SLC2A14: variants seen among roughly 807,000 people sequenced by gnomAD.
SLC2A14 encodes the protein solute carrier family 2, facilitated glucose transporter member 14.
In SLC2A14, 13 loss-of-function variants were observed where a neutral mutation model predicts 43.0. The ratio of observed to expected loss-of-function variants is 0.30; its 90% confidence interval spans 0.20 to 0.48. SLC2A14 has a LOEUF of 0.48. Among genes scored for constraint, SLC2A14 ranks in the 20% least tolerant of loss-of-function variants. The probability of loss-of-function intolerance (pLI) is 0.99; values close to 1 mark genes in which losing one functional copy is unlikely to be tolerated. For missense variants in SLC2A14, 428 were observed against 620.4 expected (o/e 0.69, Z 3.29); for synonymous variants, 190 against 233.8 (o/e 0.81, Z 1.71).
Position 7,814,471 on chromosome 12 carries a change from T to A in SLC2A14, c.1339A>T (p.Thr447Ser). Reference protein sequence around the residue: ...TGFLITFLAFTFFKVPETRGR... With the variant: ...TGFLITFLAFSFFKVPETRGR... ...CGGGTCTCAGGGACTTTGAAGAAGGTAAAGGCCAAGAAGGTAATGAGGAAG... is the reference window on the plus strand; with the variant it reads ...CGGGTCTCAGGGACTTTGAAGAAGGAAAAGGCCAAGAAGGTAATGAGGAAG... The change falls in exon 11 of 11, where the codon ACC (threonine) becomes TCC (serine). Residue 447 changes from threonine (T) to serine (S), a missense_variant. Around this residue, in one of 4 missense-constraint regions of SLC2A14, gnomAD observed 119 missense variants for 188.7 expected, o/e 0.63. Transcript: ENST00000431042. 6.2e-7 allele frequency: 1 copy of A among 1,613,322 alleles called. No homozygotes were observed. The highest frequency in any genetic ancestry group is 8.5e-7 in the Non-Finnish European group (1 of 1,179,722).
At chr12:7,878,976 C>CAAAAAA (rs58838986) in intron 1 of SLC2A14, among the ~76,000 whole-genome samples, 29 of 69,318 alleles carry the variant, frequency 4.2e-4, no homozygotes, top group Admixed American at 8.7e-4. Context: ...GAGTCCGTCT[C>CAAAAAA]AAAAAAAAAA....
intron 2 of SLC2A14, among the ~76,000 whole-genome samples, chr12:7,841,081 G>C (rs923487092): frequency 6.6e-6 from 1 of 152,150 alleles, no homozygotes; most frequent in Non-Finnish European, 1.5e-5. Flanking sequence ...GAAGCGGATG[G>C]AGAGAGACAT....
At chr12:7,820,696 A>G (rs756835355) in intron 8 of SLC2A14, among the ~76,000 whole-genome samples, 1 of 146,702 alleles carries the variant, frequency 6.8e-6, no homozygotes, top group East Asian at 2.0e-4. Flanking sequence ...CATACTGTAT[A>G]GTCCCTTCTA....
At chr12:7,841,855 A>G (rs1242791364) in intron 2 of SLC2A14, among the ~76,000 whole-genome samples, 1 of 151,928 alleles carries the variant, frequency 6.6e-6, no homozygotes, top group South Asian at 2.1e-4. Flanking sequence ...AAAATATAAA[A>G]TTAGCCGGGC....
At chr12:7,816,702 C>A (rs777968414) in intron 10 of SLC2A14, among the ~76,000 whole-genome samples, 2 of 151,496 alleles carry the variant, frequency 1.3e-5, no homozygotes, top group Non-Finnish European at 2.9e-5. Context: ...TGTCTCTATT[C>A]GTAAATTGTT....
intron 2 of SLC2A14, among the ~76,000 whole-genome samples, chr12:7,858,558 G>A (rs1944377653): frequency 6.6e-6 from 1 of 152,084 alleles, no homozygotes; most frequent in Admixed American, 6.6e-5. Context: ...GGAGTGCAAT[G>A]GCATGACCTC....
chr12:7,874,988 TA>T (rs1945424366), upstream of SLC2A14, among the ~76,000 whole-genome samples: 10 of 29,276 alleles, frequency 3.4e-4, no homozygotes, highest in Admixed American at 1.6e-3. Flanking sequence ...TATTTATATA[TA>T]AATTATATAT....
Position 7,869,901 on chromosome 12 carries a change from T to A in SLC2A14, c.-21A>T. ...TCCATCTCTCTGCTATCCTAGGAAT[T>A]GACTCCCTCTCCAATTTCTCTTCAA... is the stretch of plus-strand genomic sequence containing the variant. On this transcript the variant is annotated 5_prime_UTR_variant, in exon 2 of 11. Transcript: ENST00000431042. The A allele has an allele frequency of 1.3e-6, 2 of 1,529,704 alleles. No homozygotes were observed. The highest frequency in any genetic ancestry group is 2.4e-5 in the South Asian group (2 of 83,676). The allele number at this position is 1,529,704 out of a possible 1,614,324, so 94.8% of individuals were successfully genotyped here.
Position 7,882,445 on chromosome 12 carries a change from G to C in SLC2A14, c.132+8551C>G, listed in dbSNP as rs183614008. Among the ~76,000 whole-genome samples the C allele has an allele frequency of 3.9e-5, 6 of 152,226 alleles. No individual in the cohort carries two copies. The East Asian group carries it at 9.6e-4, about 24-fold the overall frequency. ...CCATGGCTTCATTCTTGAAGTCAGT[G>C]AGACCAAGAATCCCCCAATTCCTGA... On this transcript the variant is annotated intron_variant, in intron 1 of 9. Transcript: ENST00000539924.
Position 7,814,382 on chromosome 12 carries a change from A to T in SLC2A14, c.1428T>A (p.Ser476=), listed in dbSNP as rs147219846. 22 of 1,612,750 alleles carry T rather than the reference A, an allele frequency of 1.4e-5. No individual in the cohort carries two copies. In the African/African-American group the frequency reaches 2.4e-4, roughly 18 times the overall value. Residue 476 remains serine, a synonymous_variant, in exon 11 of 11, where the codon TCT becomes TCA. Coordinates refer to ENST00000431042, the MANE Select transcript of SLC2A14 (RefSeq NM_001286234.2). The part of the protein sequence containing the change: ...FEGQAHGADR[S]GKDGVMGMNS... ...TCATCCCCATGACGCCGTCCTTCCC[A>T]GATCTATCTGCACCGTGTGCCTGCC... is the stretch of plus-strand genomic sequence containing the variant.
chr12:7,860,430 G>A (rs1411143853), intron 2 of SLC2A14: 3 of 152,094 alleles, frequency 2.0e-5, no homozygotes, highest in African/African-American at 4.8e-5. Flanking sequence ...GGATAGCCAC[G>A]CTGCCCTAGG....
At chr12:7,830,667 A>C (rs1422438210) in intron 4 of SLC2A14, among the ~76,000 whole-genome samples, 1 of 151,990 alleles carries the variant, frequency 6.6e-6, no homozygotes, top group Admixed American at 6.6e-5. Context: ...GGGGAAGAAC[A>C]TTAGCAAGTA....
chr12:7,844,296 A>G (rs1866268019), intron 2 of SLC2A14, among the ~76,000 whole-genome samples: 1 of 152,104 alleles, frequency 6.6e-6, no homozygotes, highest in Admixed American at 6.6e-5. Flanking sequence ...CGTGTCTACG[A>G]GTACTATGTG....
intron 5 of SLC2A14, 50 bp downstream of exon 5, chr12:7,829,716 T>A: frequency 6.2e-7 from 1 of 1,600,840 alleles, no homozygotes; most frequent in Non-Finnish European, 8.5e-7. Context: ...TTAACTTTTT[T>A]AATGACCCAT....
At chr12:7,891,139 G>T (rs1945770734) in exon 1 of SLC2A14, 1 of 1,531,152 alleles carries the variant, frequency 6.5e-7, no homozygotes, top group African/African-American at 1.4e-5. Flanking sequence ...GTGAACAAAA[G>T]TCAGGTTGTG....
intron 10 of SLC2A14, among the ~76,000 whole-genome samples, chr12:7,815,998 T>A (rs927789180): frequency 1.4e-4 from 21 of 152,070 alleles, no homozygotes; most frequent in Non-Finnish European, 2.4e-4. Context: ...CCTCCCATGT[T>A]CAAGCAATTC....
At chr12:7,883,858 C>G (rs1340951065) in intron 1 of SLC2A14, among the ~76,000 whole-genome samples, 1 of 151,994 alleles carries the variant, frequency 6.6e-6, no homozygotes, top group Admixed American at 6.6e-5. Context: ...GCTGGGATTA[C>G]AGGCATGAGC....
At chr12:7,825,127 T>C (rs12312135) in intron 7 of SLC2A14, among the ~76,000 whole-genome samples, 92,517 of 151,850 alleles carry the variant, frequency 0.61, 28,423 homozygotes, top group African/African-American at 0.69. Context: ...GAGCAAAATC[T>C]GCTCATTGAC....
intron 7 of SLC2A14, among the ~76,000 whole-genome samples, chr12:7,825,039 G>C (rs948809356): frequency 6.6e-6 from 1 of 152,058 alleles, no homozygotes; most frequent in Admixed American, 6.6e-5. Flanking sequence ...CTTACACGGA[G>C]ACTCTGGATT....
Sources: allele counts gnomAD v4.1 joint callset (sites outside exome capture counted in the v4.1 genomes callset), GRCh38; gene constraint gnomAD v4.1.1; regional missense constraint gnomAD v4.1.1; transcripts MANE v1.5; gene names NCBI Gene and HGNC (gene_info 2026-07-23, HGNC 2026-07-21).